The following GRM3 variants were observed in gnomAD, a reference collection of about 807,000 sequenced individuals.
The protein encoded by GRM3 is glutamate metabotropic receptor 3.
Under a neutral mutation model 70.5 loss-of-function variants are expected in GRM3, and 26 were observed. That is an observed-to-expected ratio of 0.37 (90% CI 0.27 to 0.51). The LOEUF (loss-of-function observed/expected upper bound fraction) is 0.51, where lower values mean the gene tolerates loss of function less well. Ranked by LOEUF, GRM3 falls within the 20% of genes least tolerant of loss-of-function variation. The pLI, the probability that GRM3 is intolerant of heterozygous loss-of-function variation, is 0.93. For missense variants in GRM3, 859 were observed against 1,123.8 expected (o/e 0.76, Z 3.37); for synonymous variants, 443 against 434.9 (o/e 1.02, Z -0.23).
Position 86,765,205 on chromosome 7 carries a change from A to C in GRM3, c.60A>C (p.Leu20Phe). 2 of 1,603,168 alleles carry C rather than the reference A, an allele frequency of 1.2e-6. No homozygotes were observed. The highest frequency in any genetic ancestry group is 3.4e-4 in the Middle Eastern group (2 of 5,944). Reference protein sequence around the residue: ...LTLALFSKGFLLSLGDHNFLR... With the variant: ...LTLALFSKGFFLSLGDHNFLR... ...TAGCTTTGTTTTCAAAGGGATTTTT[A>C]CTCTCTTTAGGGGACCATAACTTTC... Residue 20 changes from leucine to phenylalanine, a missense_variant, in exon 2 of 6, where the codon TTA becomes TTC. Leu to Phe is a conservative substitution (Grantham distance 22). Transcript: ENST00000361669.
intron 1 of GRM3, among the ~76,000 whole-genome samples, chr7:86,701,107 CT>C (rs927100210): frequency 5.9e-5 from 9 of 151,800 alleles, no homozygotes; most frequent in South Asian, 2.1e-4. Context: ...TCCATTAGTA[CT>C]TTTTTTTAAT....
intron 1 of GRM3, among the ~76,000 whole-genome samples, chr7:86,675,659 G>A (rs1349192210): frequency 6.6e-6 from 1 of 152,086 alleles, no homozygotes; most frequent in Non-Finnish European, 1.5e-5. Flanking sequence ...TATACTGCAA[G>A]TAGAATATTG....
At chr7:86,849,363 G>A (rs80235208) in intron 4 of GRM3, among the ~76,000 whole-genome samples, 6,585 of 152,190 alleles carry the variant, frequency 0.043, 466 homozygotes, top group African/African-American at 0.15. Context: ...GACGAGGATG[G>A]ATTATGCTTT....
intron 1 of GRM3, among the ~76,000 whole-genome samples, chr7:86,687,985 G>A (rs1794604981): frequency 6.6e-6 from 1 of 151,464 alleles, no homozygotes; most frequent in Admixed American, 6.6e-5. Context: ...GATAAAACAG[G>A]ATAATGTATT....
chr7:86,790,809 G>A (rs1797391537), intron 3 of GRM3, among the ~76,000 whole-genome samples: 1 of 151,910 alleles, frequency 6.6e-6, no homozygotes, highest in Non-Finnish European at 1.5e-5. Context: ...TCATGTAAAT[G>A]TTATCTTCTC....
chr7:86,830,775 G>T (rs1183701888), intron 3 of GRM3, among the ~76,000 whole-genome samples: 1 of 152,148 alleles, frequency 6.6e-6, no homozygotes, highest in Non-Finnish European at 1.5e-5. Flanking sequence ...CATAACCCTA[G>T]TATCTCACAA....
chr7:86,731,860 T>A (rs561240698), intron 1 of GRM3, among the ~76,000 whole-genome samples: 10 of 151,474 alleles, frequency 6.6e-5, no homozygotes, highest in East Asian at 5.8e-4. Flanking sequence ...ACATCTTAAT[T>A]TTTTTTTATC....
At chr7:86,726,885 C>G (rs914228895) in intron 1 of GRM3, among the ~76,000 whole-genome samples, 3 of 152,142 alleles carry the variant, frequency 2.0e-5, no homozygotes, top group Non-Finnish European at 4.4e-5. Context: ...GGAGAGGTCT[C>G]AGTACTGGCA....
intron 1 of GRM3, among the ~76,000 whole-genome samples, chr7:86,696,706 G>C (rs919834167): frequency 6.6e-6 from 1 of 152,046 alleles, no homozygotes; most frequent in Admixed American, 6.6e-5. Flanking sequence ...TGGTGGTGGT[G>C]GTGGTGGTGG....
chr7:86,762,511 T>A (rs746178392), intron 1 of GRM3, among the ~76,000 whole-genome samples: 1 of 152,214 alleles, frequency 6.6e-6, no homozygotes, highest in Non-Finnish European at 1.5e-5. Context: ...GACTAGCTCC[T>A]GTCTTGCTTG....
At chr7:86,777,697 TACTA>T (rs1289834547) in intron 2 of GRM3, among the ~76,000 whole-genome samples, 2 of 152,164 alleles carry the variant, frequency 1.3e-5, no homozygotes, top group African/African-American at 4.8e-5. Context: ...CAAAAAAAGT[TACTA>T]ATCCTTTTAG....
chr7:86,740,807 C>T (rs144576227), intron 1 of GRM3, among the ~76,000 whole-genome samples: 3 of 152,118 alleles, frequency 2.0e-5, no homozygotes, highest in Non-Finnish European at 4.4e-5. Context: ...ACAAAACCTG[C>T]GTTGGTTGGT....
intron 1 of GRM3, among the ~76,000 whole-genome samples, chr7:86,658,783 T>C (rs1584144042): frequency 2.0e-5 from 3 of 151,990 alleles, no homozygotes; most frequent in Non-Finnish European, 2.9e-5. Context: ...CTTTTAGCCA[T>C]ATATTTTTAT....
At chr7:86,715,805 G>C (rs115487291) in intron 1 of GRM3, among the ~76,000 whole-genome samples, 199 of 152,006 alleles carry the variant, frequency 1.3e-3, no homozygotes, top group African/African-American at 3.9e-3. Context: ...CACAAGTTTA[G>C]AATACAAAGA....
chr7:86,713,665 C>A (rs1045961586), intron 1 of GRM3, among the ~76,000 whole-genome samples: 1 of 151,880 alleles, frequency 6.6e-6, no homozygotes, highest in Admixed American at 6.6e-5. Flanking sequence ...TCATTTGGTA[C>A]AAAATACAGT....
chr7:86,747,163 A>C (rs1170584800), intron 1 of GRM3, among the ~76,000 whole-genome samples: 9 of 152,110 alleles, frequency 5.9e-5, no homozygotes, highest in Admixed American at 5.9e-4. Flanking sequence ...TAAGCAGAGA[A>C]GCCTTGAGCC....
chr7:86,765,393 A>G lies in GRM3; in HGVS notation c.248A>G (p.Asp83Gly). The G allele has an allele frequency of 1.2e-6, 2 of 1,613,952 alleles. No homozygotes were observed. Among genetic ancestry groups the G allele is most frequent in the Non-Finnish European group, 1.7e-6 (2 of 1,179,878 alleles). ...LFAIDEINKDDYLLPGVKLGV... is the reference protein window; with the variant it reads ...LFAIDEINKDGYLLPGVKLGV... ...GCTATTGATGAAATCAACAAAGATG[A>G]TTACTTGCTACCAGGAGTGAAGTTG... The change falls in exon 2 of 6, where the codon GAT becomes GGT. Residue 83 changes from aspartate to glycine, a missense_variant. Physicochemically the swap from Asp to Gly is moderately conservative, Grantham distance 94. Coordinates refer to ENST00000361669, the MANE Select transcript of GRM3 (RefSeq NM_000840.3).
chr7:86,707,488 C>T (rs1347878513), intron 1 of GRM3, among the ~76,000 whole-genome samples: 1 of 151,994 alleles, frequency 6.6e-6, no homozygotes, highest in Non-Finnish European at 1.5e-5. Flanking sequence ...AAATTTAGTT[C>T]TACTCCTGGC....
chr7:86,789,908 A>G (rs1327276075), intron 3 of GRM3, among the ~76,000 whole-genome samples: 1 of 152,170 alleles, frequency 6.6e-6, no homozygotes, highest in Non-Finnish European at 1.5e-5. Context: ...TCCTTTTGCA[A>G]AACAGATTTT....
Sources: gnomAD v4.1 joint callset for allele counts (sites outside exome capture counted in the v4.1 genomes callset) on GRCh38, gnomAD v4.1.1 for gene constraint, MANE v1.5 for transcripts, NCBI Gene and HGNC (gene_info 2026-07-23, HGNC 2026-07-21) for gene names.